FRY: variants seen among roughly 807,000 people sequenced by gnomAD.
FRY encodes the protein FRY microtubule binding protein.
Under a neutral mutation model 348.4 loss-of-function variants are expected in FRY, and 128 were observed. That is an observed-to-expected ratio of 0.37 (90% CI 0.32 to 0.43). FRY has a LOEUF of 0.43. FRY is among the 20% of genes least tolerant of loss of function. FRY has a pLI of 1.00. For missense variants in FRY, 2,736 were observed against 3,695.2 expected, an observed-to-expected ratio of 0.74 and a Z score of 6.73; for synonymous variants, 1,370 against 1,374.7, an observed-to-expected ratio of 1.00 and a Z score of 0.08.
intron 58 of FRY, 45 bp from the exon 59 acceptor site, chr13:32,289,588 A>G (rs1267166112): frequency 1.7e-6 from 2 of 1,157,076 alleles, no homozygotes; most frequent in African/African-American, 3.0e-5. Flanking sequence ...TATGTGAATG[A>G]TCTTTAACAA....
intron 13 of FRY, among the ~76,000 whole-genome samples, chr13:32,149,312 T>C (rs987840569): frequency 1.3e-5 from 2 of 151,836 alleles, no homozygotes; most frequent in African/African-American, 4.8e-5. Context: ...TGTTATACTA[T>C]GAGCCAAAGG....
At chr13:32,081,055 G>A (rs1418195490) in intron 2 of FRY, among the ~76,000 whole-genome samples, 2 of 152,166 alleles carry the variant, frequency 1.3e-5, no homozygotes. Context: ...ATTTGTTTGC[G>A]TGGAGTTTGT....
At position 32,102,035 on chromosome 13, in the gene FRY, A is replaced by G. The variant is rs1877195896; in HGVS notation, c.324+19A>G. 1 of 1,412,402 alleles carries G rather than the reference A, an allele frequency of 7.1e-7. No individual in the cohort carries two copies. The highest frequency in any genetic ancestry group is 1.0e-6 in the Non-Finnish European group (1 of 995,728). The allele number at this position is 1,412,402 out of a possible 1,614,324, so 87.5% of individuals were successfully genotyped here. Reference sequence around the variant, plus strand: ...TGATCAGGTATGTGATATATATGTTATATACTAGTTTTCCTTTATTTCAGC... The same window carrying G: ...TGATCAGGTATGTGATATATATGTTGTATACTAGTTTTCCTTTATTTCAGC... On this transcript the variant is annotated intron_variant, in intron 3 of 60. Coordinates refer to ENST00000542859, the MANE Select transcript of FRY (RefSeq NM_023037.3).
rs2072041879 is a variant in FRY at position 32,295,389 on chromosome 13, C to T, written c.8971C>T (p.Arg2991Cys). Residue 2991 changes from arginine (R) to cysteine (C), a missense_variant, in exon 61 of 61, where the codon CGC becomes TGC. Coordinates refer to ENST00000542859, the MANE Select transcript of FRY (RefSeq NM_023037.3). ...ELNMEIRDMI[R>C]RAQSYRVLTT... ...GAACATGGAGATCCGGGACATGATC[C>T]GCAGGGCCCAGAGTTACCGAGTCCT... The T allele has an allele frequency of 3.1e-6, 5 of 1,613,002 alleles. No individual in the cohort carries two copies. Among genetic ancestry groups the T allele is most frequent in the African/African-American group, 1.3e-5 (1 of 74,924 alleles).
chr13:32,071,448 C>T (rs1874653223), intron 1 of FRY, among the ~76,000 whole-genome samples: 1 of 152,074 alleles, frequency 6.6e-6, no homozygotes, highest in Admixed American at 6.6e-5. Context: ...AAGTTGGATT[C>T]CTAGGTATTT....
chr13:32,289,763 A>T lies in FRY; in HGVS notation c.8580+20A>T, dbSNP rs759444410. The T allele has an allele frequency of 3.2e-6, 4 of 1,266,104 alleles. No homozygotes were observed. The highest frequency in any genetic ancestry group is 1.7e-5 in the Admixed American group (1 of 59,632). The allele number at this position is 1,266,104 out of a possible 1,614,324, so 78.4% of individuals were successfully genotyped here. ...CCAGAGGTGAGTCCACACGCTTCCC[A>T]ACCCCACGTCCCACCACAAAAACCA... is the stretch of plus-strand genomic sequence containing the variant. On this transcript the variant is annotated intron_variant, in intron 59 of 60. Transcript: ENST00000542859.
At chr13:32,130,012 A>T (rs1248557755) in intron 7 of FRY, among the ~76,000 whole-genome samples, 2 of 147,846 alleles carry the variant, frequency 1.4e-5, no homozygotes, top group Non-Finnish European at 3.0e-5. Context: ...GGACTCTATT[A>T]GTTCACCTTT....
Position 32,124,529 on chromosome 13 carries a change from A to T in FRY, c.556-73A>T, listed in dbSNP as rs1351223312. The T allele has an allele frequency of 1.4e-5, 13 of 910,096 alleles. 1 individual carries two copies. Among genetic ancestry groups the T allele is most frequent in the African/African-American group, 9.8e-5 (6 of 61,426 alleles). The allele number at this position is 910,096 out of a possible 1,614,324, so 56.4% of individuals were successfully genotyped here. On this transcript the variant is annotated intron_variant, in intron 5 of 60. Transcript: ENST00000542859. ...TTGATTGCTATTGATTGTCATATAT[A>T]GTTATTGGAAGTACTGTACCGATTT...
At chr13:32,291,086 G>C (rs1490235825) in intron 59 of FRY, among the ~76,000 whole-genome samples, 1 of 151,998 alleles carries the variant, frequency 6.6e-6, no homozygotes, top group East Asian at 1.9e-4. Context: ...ATGTGATTGT[G>C]AACAAGCAGA....
rs1883535260 is a variant in FRY, at chr13:32,194,191, C to A, written c.3640C>A (p.Pro1214Thr). Residue 1214 changes from proline (P) to threonine (T), a missense_variant, in exon 29 of 61, where the codon CCT becomes ACT. Physicochemically the swap from Pro to Thr is conservative, Grantham distance 38. Coordinates refer to ENST00000542859, the MANE Select transcript of FRY (RefSeq NM_023037.3). ...EVVVLLLELN[P>T]DQINLFNWAI... ...TGTTGTCTTGCTACTGGAACTTAAT[C>A]CTGACCAAATAAATCTTTTTAACTG... 2 of 1,613,936 alleles carry A rather than the reference C, an allele frequency of 1.2e-6. No individual in the cohort carries two copies. The highest frequency in any genetic ancestry group is 1.7e-6 in the Non-Finnish European group (2 of 1,179,804).
intron 31 of FRY, among the ~76,000 whole-genome samples, chr13:32,204,951 C>A (rs1272199804): frequency 6.6e-6 from 1 of 152,072 alleles, no homozygotes; most frequent in East Asian, 1.9e-4. Context: ...TGCCTGTATC[C>A]CAGCACCCTG....
At position 32,294,464 on chromosome 13, in the gene FRY, T is replaced by C; in HGVS notation, c.8677T>C (p.Trp2893Arg). Residue 2893 changes from tryptophan to arginine, a missense_variant, in exon 60 of 61, where the codon TGG (tryptophan) becomes CGG (arginine). By Grantham distance (101) the Trp-to-Arg change is moderately radical. Transcript: ENST00000542859. Reference protein sequence around the residue: ...AADPLYSDGAWSEPTFTSTEA... With the variant: ...AADPLYSDGARSEPTFTSTEA... ...TGACCCTCTCTATTCAGACGGCGCG[T>C]GGTCCGAGCCCACCTTCACGTCCAC... 2 of 1,614,012 alleles carry C rather than the reference T, an allele frequency of 1.2e-6. No individual in the cohort carries two copies. The highest frequency in any genetic ancestry group is 4.5e-5 in the East Asian group (2 of 44,880).
intron 3 of FRY, among the ~76,000 whole-genome samples, chr13:32,104,877 C>T (rs751840715): frequency 9.9e-5 from 15 of 152,154 alleles, no homozygotes; most frequent in South Asian, 6.2e-4. Flanking sequence ...CATTGTAAGA[C>T]GTGACTTTGC....
intron 44 of FRY, among the ~76,000 whole-genome samples, chr13:32,238,975 C>T (rs777364839): frequency 4.6e-5 from 7 of 152,154 alleles, no homozygotes; most frequent in African/African-American, 9.7e-5. Context: ...GTTCAATCTG[C>T]GCCAAAAACA....
intron 59 of FRY, among the ~76,000 whole-genome samples, chr13:32,292,515 A>T (rs776917150): frequency 4.0e-5 from 6 of 151,568 alleles, no homozygotes; most frequent in African/African-American, 7.3e-5. Context: ...AAACTTTGGC[A>T]GGGTGCGGTG....
At chr13:32,115,883 T>C (rs180674285) in intron 3 of FRY, among the ~76,000 whole-genome samples, 26 of 152,246 alleles carry the variant, frequency 1.7e-4, no homozygotes, top group African/African-American at 5.5e-4. Context: ...TCTGCATATG[T>C]ATACTTACAT....
chr13:32,172,598 A>G (rs990934957), intron 18 of FRY, among the ~76,000 whole-genome samples: 2 of 152,166 alleles, frequency 1.3e-5, no homozygotes, highest in African/African-American at 2.4e-5. Context: ...GGCATTGGCA[A>G]TGAGCAGATG....
chr13:32,057,946 C>T (rs1873732022), intron 1 of FRY, among the ~76,000 whole-genome samples: 2 of 143,826 alleles, frequency 1.4e-5, no homozygotes, highest in African/African-American at 2.6e-5. Context: ...GGCAACAGAG[C>T]GAGACTCCGT....
In FRY at chr13:32,145,538, T is replaced by G. The variant is rs12427462; in HGVS notation, c.1180-1744T>G. Among the ~76,000 whole-genome samples the G allele has an allele frequency of 7.3e-4, 100 of 136,176 alleles. 1 individual carries two copies. The highest frequency in any genetic ancestry group is 2.1e-3 in the African/African-American group (76 of 36,260). The allele number at this position is 136,176 out of a possible 152,430, so 89.3% of individuals were successfully genotyped here. ...CTCTGACTGATTTGTTTTTTTTTTT[T>G]TTTTTTTTTTTTTTTTTGAGACGGA... On this transcript the variant is annotated intron_variant, in intron 11 of 60. Transcript: ENST00000542859.
Sources: gnomAD v4.1 joint callset for allele counts (sites outside exome capture counted in the v4.1 genomes callset) on GRCh38, gnomAD v4.1.1 for gene constraint, MANE v1.5 for transcripts, NCBI Gene and HGNC (gene_info 2026-07-23, HGNC 2026-07-21) for gene names.